RYR3: variants seen among roughly 807,000 people sequenced by gnomAD.
RYR3 encodes brain ryanodine receptor-calcium release channel.
In RYR3, 207 loss-of-function variants were observed where a neutral mutation model predicts 584.3. The ratio of observed to expected loss-of-function variants is 0.35; its 90% CI spans 0.32 to 0.40. The LOEUF (loss-of-function observed/expected upper bound fraction) is 0.40. Ranked by LOEUF, RYR3 falls within the 10% of genes least tolerant of loss-of-function variation. RYR3 has a pLI of 1.00. For synonymous variants in RYR3, 2,416 were observed against 2,248.5 expected, an observed-to-expected ratio of 1.07 and a Z score of -2.11; for missense variants, 5,616 against 6,089.2, an observed-to-expected ratio of 0.92 and a Z score of 2.59.
At chr15:33,413,716 G>GT (rs1188653137) in intron 1 of RYR3, among the ~76,000 whole-genome samples, 2 of 152,124 alleles carry the variant, frequency 1.3e-5, no homozygotes, top group Admixed American at 6.5e-5. Context: ...CTGTGGTCCT[G>GT]TTCCCCCCCG....
chr15:33,566,577 G>GA, intron 11 of RYR3, 101 bp from the exon 12 acceptor site: 1 of 1,301,328 alleles, frequency 7.7e-7, no homozygotes, highest in Non-Finnish European at 1.1e-6. Context: ...CTTATTTGGA[G>GA]AAAGGAATAA....
intron 48 of RYR3, among the ~76,000 whole-genome samples, chr15:33,736,029 C>T (rs1367381575): frequency 5.3e-5 from 8 of 152,198 alleles, no homozygotes; most frequent in South Asian, 2.1e-4. Flanking sequence ...CTTCGGGTAT[C>T]CCAATTCATT....
intron 19 of RYR3, among the ~76,000 whole-genome samples, chr15:33,617,662 G>T (rs979704793): frequency 6.6e-6 from 1 of 151,880 alleles, no homozygotes; most frequent in Non-Finnish European, 1.5e-5. Flanking sequence ...CTGTTTAATG[G>T]TCTTTACTGA....
intron 37 of RYR3, 86 bp downstream of exon 37, chr15:33,669,542 G>GA: frequency 8.6e-7 from 1 of 1,156,976 alleles, no homozygotes; most frequent in Non-Finnish European, 1.3e-6. Flanking sequence ...GTGGGAGGTT[G>GA]GGAAGTTATT....
At chr15:33,530,797 C>G in intron 4 of RYR3, 131 bp downstream of exon 4, 1 of 690,266 alleles carries the variant, frequency 1.4e-6, no homozygotes, top group Middle Eastern at 2.4e-4. Flanking sequence ...AGCACGTTAT[C>G]CTCTTGGCAT....
rs1000224467 is a variant in RYR3, at chr15:33,857,906, A to G, written c.14134A>G (p.Met4712Val). 2 of 1,614,004 alleles carry G rather than the reference A, an allele frequency of 1.2e-6. No homozygotes were observed. Among genetic ancestry groups the G allele is most frequent in the South Asian group, 1.1e-5 (1 of 91,082 alleles). Reference sequence around the variant, plus strand: ...CGAGCCCGATATGAAGTGCGACGACATGATGACGGTGAGAGCCCACCCACT... The same window carrying G: ...CGAGCCCGATATGAAGTGCGACGACGTGATGACGGTGAGAGCCCACCCACT... ...DDEPDMKCDDMMTCYLFHMYV... is the reference protein window; with the variant it reads ...DDEPDMKCDDVMTCYLFHMYV... Residue 4712 changes from methionine (M) to valine (V), a missense_variant, in exon 99 of 104, where the codon ATG (methionine) becomes GTG (valine). Met to Val is a conservative substitution (Grantham distance 21). Transcript: ENST00000634891.
chr15:33,415,955 C>G (rs2676050), intron 1 of RYR3, among the ~76,000 whole-genome samples: 1 of 151,914 alleles, frequency 6.6e-6, no homozygotes, highest in African/African-American at 2.4e-5. Context: ...GTGAGAACAT[C>G]TGGGTTTCTG....
chr15:33,510,871 C>T (rs995627190), intron 3 of RYR3, among the ~76,000 whole-genome samples: 1 of 151,992 alleles, frequency 6.6e-6, no homozygotes, highest in Non-Finnish European at 1.5e-5. Flanking sequence ...GGATTTTATG[C>T]TGATATAATG....
chr15:33,862,910 C>T (rs1431988237), intron 102 of RYR3, among the ~76,000 whole-genome samples: 1 of 152,252 alleles, frequency 6.6e-6, no homozygotes, highest in African/African-American at 2.4e-5. Flanking sequence ...AGCCATCACA[C>T]CCGGCCTCAA....
chr15:33,776,820 G>A (rs967169875), intron 64 of RYR3, among the ~76,000 whole-genome samples: 1 of 152,166 alleles, frequency 6.6e-6, no homozygotes, highest in Admixed American at 6.5e-5. Flanking sequence ...TGAAAGGCAA[G>A]ATTCAGATAC....
At position 33,838,555 on chromosome 15, in the gene RYR3, T is replaced by G. The variant is rs1464297636; in HGVS notation, c.12575T>G (p.Phe4192Cys). 1 of 1,613,784 alleles carries G rather than the reference T, an allele frequency of 6.2e-7. No individual in the cohort carries two copies. The highest frequency in any genetic ancestry group is 8.5e-7 in the Non-Finnish European group (1 of 1,179,868). ...CTCTTCTCCTTTTTCTGGATGCTGT[T>G]CGTGGGGCTATTCCAGTTGCTCTTC... ...KVLFSFFWML[F>C]VGLFQLLFTI... The change falls in exon 89 of 104, where the codon TTC becomes TGC. Residue 4192 changes from phenylalanine (F) to cysteine (C), a missense_variant. Physicochemically the swap from Phe to Cys is radical, Grantham distance 205. Coordinates refer to ENST00000634891, the MANE Select transcript of RYR3 (RefSeq NM_001036.6).
intron 1 of RYR3, among the ~76,000 whole-genome samples, chr15:33,437,277 C>T (rs1240628907): frequency 6.6e-6 from 1 of 152,206 alleles, no homozygotes; most frequent in Non-Finnish European, 1.5e-5. Flanking sequence ...CATAGCAGCT[C>T]AGCAGTGTCA....
intron 1 of RYR3, among the ~76,000 whole-genome samples, chr15:33,355,112 G>A (rs146443793): frequency 0.078 from 11,764 of 151,410 alleles, 538 homozygotes; most frequent in Middle Eastern, 0.11. Flanking sequence ...TGAACCTGGG[G>A]GGCGGAGGTT....
rs777259724 is a variant in RYR3 at position 33,729,051 on chromosome 15, T to A, written c.7203+25T>A. On this transcript the variant is annotated intron_variant, in intron 47 of 103. Transcript: ENST00000634891. Reference sequence around the variant, plus strand: ...AGTAAGTTGCAAAAATAACAAAAAATTATTGTTCCCATCATTGTGAAATTA... The same window carrying A: ...AGTAAGTTGCAAAAATAACAAAAAAATATTGTTCCCATCATTGTGAAATTA... 3.1e-6 allele frequency: 5 copies of A among 1,601,070 alleles called. No individual in the cohort carries two copies. The Admixed American group carries it at 5.1e-5, about 16-fold the overall frequency.
chr15:33,811,179 A>G, intron 72 of RYR3, 142 bp downstream of exon 72: 1 of 716,688 alleles, frequency 1.4e-6, no homozygotes, highest in South Asian at 1.8e-5. Context: ...TGGTAGGACT[A>G]GCTCTCTCTT....
At chr15:33,414,279 C>T (rs996702355) in intron 1 of RYR3, among the ~76,000 whole-genome samples, 6 of 152,036 alleles carry the variant, frequency 3.9e-5, no homozygotes, top group African/African-American at 7.2e-5. Context: ...ATAAGGACTT[C>T]GAGCTGAAAT....
At chr15:33,329,981 G>A (rs999987430) in intron 1 of RYR3, among the ~76,000 whole-genome samples, 7 of 152,166 alleles carry the variant, frequency 4.6e-5, no homozygotes, top group African/African-American at 1.7e-4. Context: ...GTGAAAGGGA[G>A]TGATCTTGTG....
In RYR3 at chr15:33,603,370, T is replaced by A; in HGVS notation, c.2164+6T>A. 6.4e-7 allele frequency: 1 copy of A among 1,551,000 alleles called. No individual in the cohort carries two copies. The highest frequency in any genetic ancestry group is 1.2e-5 in the South Asian group (1 of 81,154). On this transcript the variant is annotated splice_donor_region_variant and intron_variant, in intron 18 of 103. Coordinates refer to ENST00000634891, the MANE Select transcript of RYR3 (RefSeq NM_001036.6). Reference sequence around the variant, plus strand: ...TGGACTTCACCTTTGGTCAGGTGAGTACCTTGCTAAAGCTTTGGCTCATAA... The same window carrying A: ...TGGACTTCACCTTTGGTCAGGTGAGAACCTTGCTAAAGCTTTGGCTCATAA...
chr15:33,579,171 A>G (rs2058468516), intron 12 of RYR3, among the ~76,000 whole-genome samples: 1 of 152,252 alleles, frequency 6.6e-6, no homozygotes, highest in Admixed American at 6.5e-5. Context: ...AGGATGTTTG[A>G]GAGATAGGGG....
Sources: gnomAD v4.1 joint callset for allele counts (sites outside exome capture counted in the v4.1 genomes callset) on GRCh38, gnomAD v4.1.1 for gene constraint, MANE v1.5 for transcripts, NCBI Gene and HGNC (gene_info 2026-07-23, HGNC 2026-07-21) for gene names.